UMAD1: variants seen among roughly 807,000 people sequenced by gnomAD.
UMAD1 encodes UBAP1-MVB12-associated (UMA) domain containing 1.
UMAD1 carries 8 observed loss-of-function variants against 6.1 expected under a neutral mutation model. The observed-to-expected ratio is 1.30, with a 90% CI of 0.76 to 2.35. The LOEUF is 2.35. Among genes scored for constraint, UMAD1 ranks in the 30% most tolerant of loss-of-function variants. The pLI, the probability that UMAD1 is intolerant of heterozygous loss-of-function variation, is 0.00. For synonymous variants in UMAD1, 56 were observed against 31.4 expected (o/e 1.78, Z -2.61); for missense variants, 130 against 78.4 (o/e 1.66, Z -2.49).
At chr7:7,800,762 T>C (rs1412852570) in intron 2 of UMAD1, among the ~76,000 whole-genome samples, 1 of 152,232 alleles carries the variant, frequency 6.6e-6, no homozygotes, top group African/African-American at 2.4e-5. Flanking sequence ...TCATACTTTA[T>C]CTCCAGTCAA....
At chr7:7,842,375 G>A (rs369645092) in intron 3 of UMAD1, among the ~76,000 whole-genome samples, 3 of 151,820 alleles carry the variant, frequency 2.0e-5, no homozygotes, top group African/African-American at 4.8e-5. Flanking sequence ...AATCCAAAAC[G>A]TGGACCTTAT....
At chr7:7,712,533 C>T (rs1780791763) in intron 2 of UMAD1, among the ~76,000 whole-genome samples, 1 of 152,224 alleles carries the variant, frequency 6.6e-6, no homozygotes, top group South Asian at 2.1e-4. Context: ...GTAGCTGATA[C>T]TTGTAGCAAC....
intron 2 of UMAD1, chr7:7,740,927 G>A (rs764597656): frequency 3.9e-5 from 6 of 152,164 alleles, no homozygotes; most frequent in Admixed American, 1.3e-4. Flanking sequence ...TCACCTCCAA[G>A]GATGTATTGT....
At chr7:7,709,781 G>T (rs1780705339) in intron 2 of UMAD1, among the ~76,000 whole-genome samples, 1 of 148,532 alleles carries the variant, frequency 6.7e-6, no homozygotes, top group Admixed American at 6.7e-5. Context: ...ACCTTTTAAA[G>T]TTTTTTTTTT....
intron 2 of UMAD1, chr7:7,736,843 T>C (rs1190036029): frequency 1.3e-5 from 2 of 152,272 alleles, no homozygotes; most frequent in African/African-American, 2.4e-5. Flanking sequence ...CCTTTACCAA[T>C]GCATCTCTGA....
chr7:7,776,980 T>C (rs188469734), intron 2 of UMAD1, among the ~76,000 whole-genome samples: 1 of 152,292 alleles, frequency 6.6e-6, no homozygotes, highest in Non-Finnish European at 1.5e-5. Flanking sequence ...CAAATGCAGG[T>C]GTATCTTTTT....
At chr7:7,827,135 A>G (rs866097351) in intron 3 of UMAD1, among the ~76,000 whole-genome samples, 9,345 of 113,736 alleles carry the variant, frequency 0.082, 642 homozygotes, top group African/African-American at 0.21. Context: ...ATATATATAT[A>G]TATATATATA....
chr7:7,796,277 G>A (rs1232730640), intron 2 of UMAD1, among the ~76,000 whole-genome samples: 1 of 74,746 alleles, frequency 1.3e-5, no homozygotes, highest in African/African-American at 1.2e-4. Context: ...TTGAGATGGA[G>A]TTTCGCTCTT....
chr7:7,697,205 A>G (rs936545117), intron 2 of UMAD1, among the ~76,000 whole-genome samples: 1 of 152,148 alleles, frequency 6.6e-6, no homozygotes, highest in African/African-American at 2.4e-5. Context: ...TGACACTTTG[A>G]TACACTTTGC....
At chr7:7,864,285 C>T (rs1784182528) in intron 3 of UMAD1, among the ~76,000 whole-genome samples, 1 of 152,106 alleles carries the variant, frequency 6.6e-6, no homozygotes, top group African/African-American at 2.4e-5. Context: ...AAGATCAAAA[C>T]ACTTCTAATA....
chr7:7,773,361 G>A (rs2115244961), intron 2 of UMAD1, among the ~76,000 whole-genome samples: 1 of 152,256 alleles, frequency 6.6e-6, no homozygotes, highest in Admixed American at 6.5e-5. Flanking sequence ...ATTTTAAAAT[G>A]AGTTAGTCAA....
At chr7:7,771,668 A>G (rs1782104413) in intron 2 of UMAD1, among the ~76,000 whole-genome samples, 1 of 152,200 alleles carries the variant, frequency 6.6e-6, no homozygotes, top group Non-Finnish European at 1.5e-5. Flanking sequence ...TTATGTTTCT[A>G]CAAACAATCT....
chr7:7,661,988 C>G (rs1254423307), intron 1 of UMAD1, among the ~76,000 whole-genome samples: 1 of 152,174 alleles, frequency 6.6e-6, no homozygotes, highest in South Asian at 2.1e-4. Context: ...TGCTGCCTTT[C>G]TTTCAGAGAT....
chr7:7,806,514 C>T (rs957858798), intron 3 of UMAD1, among the ~76,000 whole-genome samples: 1 of 152,054 alleles, frequency 6.6e-6, no homozygotes, highest in Non-Finnish European at 1.5e-5. Flanking sequence ...ACATAAATGC[C>T]CTGTCAATGA....
intron 2 of UMAD1, among the ~76,000 whole-genome samples, chr7:7,771,654 ATTC>A (rs1398429570): frequency 2.0e-5 from 3 of 152,200 alleles, no homozygotes; most frequent in Non-Finnish European, 4.4e-5. Context: ...ACTAGATTAT[ATTC>A]TTATGTTTCT....
At chr7:7,643,711 CAAA>C (rs34403294) in intron 1 of UMAD1, among the ~76,000 whole-genome samples, 1 of 66,962 alleles carries the variant, frequency 1.5e-5, no homozygotes, top group African/African-American at 9.3e-5. Flanking sequence ...GACTCCCTCT[CAAA>C]AAAAAAAAAA....
chr7:7,759,911 A>T (rs957253016), intron 2 of UMAD1, among the ~76,000 whole-genome samples: 2 of 152,138 alleles, frequency 1.3e-5, no homozygotes, highest in African/African-American at 2.4e-5. Context: ...GTGTTAAAAC[A>T]TGGCTGCATA....
At chr7:7,749,671 G>T (rs576866354) in intron 2 of UMAD1, among the ~76,000 whole-genome samples, 1 of 151,974 alleles carries the variant, frequency 6.6e-6, no homozygotes, top group South Asian at 2.1e-4. Flanking sequence ...AATAAAACTG[G>T]GCGTTGATAT....
chr7:7,681,952 A>T (rs1484431012), intron 2 of UMAD1, among the ~76,000 whole-genome samples: 1 of 152,186 alleles, frequency 6.6e-6, no homozygotes, highest in Non-Finnish European at 1.5e-5. Context: ...AAGAAGGAAA[A>T]ATAACAACAA....
Sources: gnomAD v4.1 joint callset for allele counts (sites outside exome capture counted in the v4.1 genomes callset) on GRCh38, gnomAD v4.1.1 for gene constraint, MANE v1.5 for transcripts, NCBI Gene and HGNC (gene_info 2026-07-23, HGNC 2026-07-21) for gene names.